Variants in GRM7 observed in about 807,000 individuals in gnomAD.
The protein encoded by GRM7 is metabotropic glutamate receptor 7.
In GRM7, 35 loss-of-function variants were observed where a neutral mutation model predicts 84.5. The ratio of observed to expected loss-of-function variants is 0.41; its 90% CI spans 0.32 to 0.55. The LOEUF is 0.55. Among genes scored for constraint, GRM7 ranks in the 20% least tolerant of loss-of-function variants. GRM7 has a pLI of 0.19. For synonymous variants in GRM7, 487 were observed against 455.1 expected, an observed-to-expected ratio of 1.07 and a Z score of -0.89; for missense variants, 1,003 against 1,194.6, an observed-to-expected ratio of 0.84 and a Z score of 2.36.
chr3:7,391,371 A>G (rs1233337089), intron 4 of GRM7, among the ~76,000 whole-genome samples: 4 of 152,168 alleles, frequency 2.6e-5, no homozygotes, highest in African/African-American at 9.7e-5. Context: ...ATGGAATACT[A>G]TGCAGCCATA....
At chr3:7,380,468 G>C (rs1269190641) in intron 4 of GRM7, among the ~76,000 whole-genome samples, 1 of 152,194 alleles carries the variant, frequency 6.6e-6, no homozygotes, top group Non-Finnish European at 1.5e-5. Flanking sequence ...CTGAGGGAGA[G>C]TGAATGAGTG....
intron 2 of GRM7, among the ~76,000 whole-genome samples, chr3:7,279,776 T>C (rs1015352109): frequency 6.6e-6 from 1 of 152,220 alleles, no homozygotes; most frequent in East Asian, 1.9e-4. Context: ...GTGTGTGTGC[T>C]TGTGGGCATG....
chr3:7,313,008 A>G (rs957409817), intron 4 of GRM7, among the ~76,000 whole-genome samples: 2 of 141,876 alleles, frequency 1.4e-5, no homozygotes, highest in African/African-American at 5.3e-5. Flanking sequence ...GGCTCACTGC[A>G]CCCTCCATCT....
chr3:7,177,265 C>T (rs1695183589), intron 2 of GRM7, among the ~76,000 whole-genome samples: 1 of 152,072 alleles, frequency 6.6e-6, no homozygotes, highest in Non-Finnish European at 1.5e-5. Flanking sequence ...TCTTTTTGCT[C>T]CATGCAATCA....
At chr3:7,496,895 T>C (rs1699722900) in intron 7 of GRM7, among the ~76,000 whole-genome samples, 1 of 152,042 alleles carries the variant, frequency 6.6e-6, no homozygotes, top group South Asian at 2.1e-4. Context: ...GGTGAAAGGA[T>C]ATATGAAGTT....
intron 4 of GRM7, among the ~76,000 whole-genome samples, chr3:7,336,558 G>A (rs1701429436): frequency 6.6e-6 from 1 of 151,956 alleles, no homozygotes; most frequent in African/African-American, 2.4e-5. Flanking sequence ...TTAGACAAGA[G>A]AAGGAAATAA....
At chr3:7,559,292 A>T (rs1693908144) in intron 7 of GRM7, 1 of 152,340 alleles carries the variant, frequency 6.6e-6, no homozygotes, top group African/African-American at 2.4e-5. Context: ...GGGAGGAGAA[A>T]CTTTGCTTCT....
At chr3:7,643,868 C>A (rs1233012994) in intron 8 of GRM7, among the ~76,000 whole-genome samples, 2 of 152,168 alleles carry the variant, frequency 1.3e-5, no homozygotes, top group East Asian at 3.9e-4. Flanking sequence ...GCAGCATGTT[C>A]TTTCCCTTAA....
intron 2 of GRM7, among the ~76,000 whole-genome samples, chr3:7,225,167 A>G (rs1250995677): frequency 6.6e-6 from 1 of 151,968 alleles, no homozygotes; most frequent in Non-Finnish European, 1.5e-5. Flanking sequence ...AAAAATTCAT[A>G]TCTATTCCTA....
At chr3:7,048,725 C>G (rs1425350964) in intron 1 of GRM7, among the ~76,000 whole-genome samples, 2 of 151,928 alleles carry the variant, frequency 1.3e-5, no homozygotes, top group Non-Finnish European at 2.9e-5. Context: ...CATACTTACT[C>G]TTTGTGGTAC....
At chr3:7,367,817 T>G (rs1006026284) in intron 4 of GRM7, among the ~76,000 whole-genome samples, 3 of 151,734 alleles carry the variant, frequency 2.0e-5, no homozygotes, top group African/African-American at 7.3e-5. Flanking sequence ...GTCAACCATC[T>G]AGACGGGGTC....
At chr3:7,340,643 G>A (rs529003622) in intron 4 of GRM7, among the ~76,000 whole-genome samples, 3 of 152,248 alleles carry the variant, frequency 2.0e-5, no homozygotes, top group African/African-American at 4.8e-5. Flanking sequence ...TCCAGTCTTC[G>A]TTAGAAAGAG....
chr3:7,667,353 G>A (rs1699745745), intron 8 of GRM7, among the ~76,000 whole-genome samples: 2 of 151,720 alleles, frequency 1.3e-5, no homozygotes, highest in Admixed American at 1.3e-4. Context: ...AGGCACTTCT[G>A]CAGGCACTCG....
rs189834431 is a variant in GRM7 at position 7,026,535 on chromosome 3, C to T, written c.520-119917C>T. On this transcript the variant is annotated intron_variant, in intron 1 of 9. Transcript: ENST00000357716. ...GTTTGTAAGAAGAGGATTAAATTTG[C>T]CTTTAATAAAGCACTATGGAATACT... 5.3e-5 allele frequency among the ~76,000 whole-genome samples: 8 copies of T among 152,226 alleles called. No individual in the cohort carries two copies. The East Asian group carries it at 9.7e-4, about 18-fold the overall frequency.
chr3:7,150,184 G>T (rs1287591945), intron 2 of GRM7, among the ~76,000 whole-genome samples: 3 of 151,988 alleles, frequency 2.0e-5, no homozygotes, highest in Non-Finnish European at 4.4e-5. Flanking sequence ...TACTTCCATT[G>T]TTTCTGAACA....
intron 2 of GRM7, among the ~76,000 whole-genome samples, chr3:7,215,195 C>T (rs761192853): frequency 6.6e-6 from 1 of 152,072 alleles, no homozygotes; most frequent in Non-Finnish European, 1.5e-5. Context: ...GGGGCAAGAC[C>T]TAGTAATGTA....
intron 1 of GRM7, among the ~76,000 whole-genome samples, chr3:6,965,163 T>C (rs1693466672): frequency 6.6e-6 from 1 of 151,834 alleles, no homozygotes; most frequent in Non-Finnish European, 1.5e-5. Flanking sequence ...GCCTGCCACT[T>C]CCCCCTGAAG....
chr3:7,708,093 A>T (rs1035275135), intron 9 of GRM7, among the ~76,000 whole-genome samples: 2 of 151,916 alleles, frequency 1.3e-5, no homozygotes, highest in African/African-American at 4.8e-5. Context: ...TACAGGATAT[A>T]AACTGGTTTC....
chr3:6,985,253 A>G (rs186837825), intron 1 of GRM7, among the ~76,000 whole-genome samples: 54 of 152,266 alleles, frequency 3.5e-4, no homozygotes, highest in Admixed American at 7.8e-4. Context: ...TAAAATGTAC[A>G]ATTAAGTTAT....
Sources: allele counts gnomAD v4.1 joint callset (sites outside exome capture counted in the v4.1 genomes callset), GRCh38; gene constraint gnomAD v4.1.1; transcripts MANE v1.5; gene names NCBI Gene and HGNC (gene_info 2026-07-23, HGNC 2026-07-21).